Variants in FRK observed in about 807,000 individuals in gnomAD.
FRK encodes the protein fyn related Src family tyrosine kinase, also known as tyrosine-protein kinase FRK.
A neutral mutation model predicts 56.4 loss-of-function variants in FRK; 51 were observed. The observed-to-expected ratio is 0.90, with a 90% CI of 0.72 to 1.14. The LOEUF (loss-of-function observed/expected upper bound fraction) is 1.14. FRK is among the 50% of genes most tolerant of loss of function. FRK has a pLI of 0.00. For missense variants in FRK, 570 were observed against 601.4 expected (o/e 0.95, Z 0.55); for synonymous variants, 245 against 217.9 (o/e 1.12, Z -1.10).
chr6:116,069,468 A>T, the FRK span, among the ~76,000 whole-genome samples: 1 of 152,112 alleles, frequency 6.6e-6, no homozygotes, highest in Admixed American at 6.6e-5. Context: ...TGTGAAAAAA[A>T]TATTTTTAAA....
At chr6:116,075,470 A>G in the FRK span, among the ~76,000 whole-genome samples, 1 of 151,584 alleles carries the variant, frequency 6.6e-6, no homozygotes, top group Non-Finnish European at 1.5e-5. Context: ...TGGGGGAAAA[A>G]AAAAAAAAAA....
intron 1 of FRK, among the ~76,000 whole-genome samples, chr6:116,019,807 T>C (rs1162583353): frequency 3.3e-5 from 5 of 152,044 alleles, no homozygotes; most frequent in Admixed American, 3.3e-4. Flanking sequence ...CTCTACAGAG[T>C]GGGTCAGAAA....
intron 2 of FRK, 21 bp from the exon 3 acceptor site, chr6:115,968,760 T>C (rs771074859): frequency 2.2e-5 from 36 of 1,605,714 alleles, no homozygotes; most frequent in African/African-American, 8.0e-5. Context: ...AAATAATTCC[T>C]GTTAATAAAC....
intron 2 of FRK, among the ~76,000 whole-genome samples, chr6:115,987,616 C>T (rs1774441945): frequency 1.3e-5 from 2 of 152,044 alleles, no homozygotes; most frequent in Non-Finnish European, 1.5e-5. Flanking sequence ...AATATCTTTC[C>T]TATACGGGTG....
At chr6:116,046,113 G>C (rs1776948007) in intron 1 of FRK, among the ~76,000 whole-genome samples, 1 of 152,194 alleles carries the variant, frequency 6.6e-6, no homozygotes, top group African/African-American at 2.4e-5. Context: ...ATGTCAGTTA[G>C]AATGGTGATC....
At chr6:116,055,827 C>T (rs1322860054) in intron 1 of FRK, among the ~76,000 whole-genome samples, 5 of 152,124 alleles carry the variant, frequency 3.3e-5, no homozygotes, top group Non-Finnish European at 5.9e-5. Flanking sequence ...GCTTAATAAA[C>T]AATAAACTTT....
At chr6:116,044,408 C>T (rs182094981) in intron 1 of FRK, among the ~76,000 whole-genome samples, 51 of 152,298 alleles carry the variant, frequency 3.3e-4, no homozygotes, top group African/African-American at 1.2e-3. Context: ...TTTCATCCTT[C>T]GGATGCAAGG....
At chr6:116,024,613 G>A (rs909125673) in intron 1 of FRK, among the ~76,000 whole-genome samples, 1 of 151,848 alleles carries the variant, frequency 6.6e-6, no homozygotes, top group African/African-American at 2.4e-5. Context: ...TTTTATGGCT[G>A]CATAGTATTC....
At chr6:115,983,845 C>A (rs911202765) in intron 2 of FRK, among the ~76,000 whole-genome samples, 2 of 152,118 alleles carry the variant, frequency 1.3e-5, no homozygotes, top group Non-Finnish European at 1.5e-5. Flanking sequence ...AAATGCAAAT[C>A]TGACCTTGTT....
intron 1 of FRK, among the ~76,000 whole-genome samples, chr6:116,017,871 T>TCTGCCTCACA (rs1367691116): frequency 6.6e-6 from 1 of 152,196 alleles, no homozygotes; most frequent in East Asian, 1.9e-4. Context: ...TCCAGTCCAC[T>TCTGCCTCACA]CTGCCTCACA....
chr6:115,971,761 T>G (rs1273151023), intron 2 of FRK, among the ~76,000 whole-genome samples: 1 of 152,160 alleles, frequency 6.6e-6, no homozygotes, highest in Non-Finnish European at 1.5e-5. Context: ...TGTCGAATCT[T>G]CTCTCCTTCC....
At chr6:116,073,860 C>G in the FRK span, among the ~76,000 whole-genome samples, 3 of 152,156 alleles carry the variant, frequency 2.0e-5, no homozygotes, top group Non-Finnish European at 4.4e-5. Context: ...ATGCCAAAGA[C>G]TGCTGGGGGA....
intron 2 of FRK, among the ~76,000 whole-genome samples, chr6:115,973,295 A>C (rs1449028494): frequency 1.3e-5 from 2 of 152,186 alleles, no homozygotes; most frequent in African/African-American, 2.4e-5. Context: ...ATTCTCAGCA[A>C]AATAACACAA....
At chr6:116,091,598 A>AAGCAGTG in the FRK span, among the ~76,000 whole-genome samples, 14 of 152,094 alleles carry the variant, frequency 9.2e-5, no homozygotes, top group Non-Finnish European at 4.4e-5. Flanking sequence ...GCCTATCACC[A>AAGCAGTG]AGCAGTGAGT....
chr6:116,036,897 TC>T (rs1447001872), intron 1 of FRK, among the ~76,000 whole-genome samples: 2 of 152,142 alleles, frequency 1.3e-5, no homozygotes, highest in Non-Finnish European at 2.9e-5. Context: ...AATTATGTAT[TC>T]CTTTAACTCC....
At position 115,942,428 on chromosome 6, in the gene FRK, T is replaced by C; in HGVS notation, c.1504A>G (p.Asn502Asp). 1 of 1,612,244 alleles carries C rather than the reference T, an allele frequency of 6.2e-7. No homozygotes were observed. The highest frequency in any genetic ancestry group is 8.5e-7 in the Non-Finnish European group (1 of 1,178,422). ...TTCTCCAGTGTTCATCTTATGAAGT[T>C]ATTTGCATCTGAATATGAAGAGTCT... is the stretch of plus-strand genomic sequence containing the variant. The part of the protein sequence containing the change: ...ETDSSYSDAN[N>D]FIR Residue 502 changes from asparagine to aspartate, a missense_variant, in exon 8 of 8, where the codon AAC (asparagine) becomes GAC (aspartate). Asn to Asp is a conservative substitution (Grantham distance 23). Coordinates refer to ENST00000606080, the MANE Select transcript of FRK (RefSeq NM_002031.3).
chr6:116,027,843 A>T (rs996484899), intron 1 of FRK, among the ~76,000 whole-genome samples: 1 of 152,098 alleles, frequency 6.6e-6, no homozygotes, highest in Non-Finnish European at 1.5e-5. Flanking sequence ...AGTTTAAAAA[A>T]AAAAAGGCTG....
intron 1 of FRK, among the ~76,000 whole-genome samples, chr6:116,007,194 C>A (rs1562282640): frequency 6.6e-6 from 1 of 152,202 alleles, no homozygotes; most frequent in Non-Finnish European, 1.5e-5. Flanking sequence ...ATATCTCTTT[C>A]ATTAGTTCAT....
intron 1 of FRK, among the ~76,000 whole-genome samples, chr6:116,037,543 A>G (rs372123294): frequency 3.9e-5 from 6 of 152,152 alleles, no homozygotes; most frequent in Non-Finnish European, 7.4e-5. Flanking sequence ...TGGCATGCCC[A>G]TATTTGTCTG....
Sources: gnomAD v4.1 joint callset for allele counts (sites outside exome capture counted in the v4.1 genomes callset) on GRCh38, gnomAD v4.1.1 for gene constraint, MANE v1.5 for transcripts, NCBI Gene and HGNC (gene_info 2026-07-23, HGNC 2026-07-21) for gene names.